TSC2: variants seen among roughly 807,000 people sequenced by gnomAD.
The protein encoded by TSC2 is tuberin.
A neutral mutation model predicts 202.2 loss-of-function variants in TSC2; 29 were observed. The observed-to-expected ratio is 0.14, with a 90% confidence interval of 0.11 to 0.20. TSC2 has a LOEUF of 0.20. TSC2 is among the 10% of genes least tolerant of loss of function. The probability of loss-of-function intolerance (pLI) is 1.00; values close to 1 mark genes in which losing one functional copy is unlikely to be tolerated. For missense variants in TSC2, 2,429 were observed against 2,420.0 expected (o/e 1.00, Z -0.08); for synonymous variants, 1,349 against 1,044.0 (o/e 1.29, Z -5.63).
intron 10 of TSC2, among the ~76,000 whole-genome samples, chr16:2,059,821 G>A (rs962250388): frequency 1.3e-5 from 2 of 152,008 alleles, no homozygotes; most frequent in South Asian, 4.1e-4. Flanking sequence ...GCCCGGCCAA[G>A]GCTAATGTTT....
In TSC2 at chr16:2,062,084, T is replaced by G. The variant is rs561093208; in HGVS notation, c.1257+76T>G. The G allele has an allele frequency of 1.3e-4, 207 of 1,599,336 alleles. 1 individual carries two copies. In the African/African-American group the frequency reaches 2.5e-3, roughly 20 times the overall value. On this transcript the variant is annotated intron_variant, in intron 12 of 41. Coordinates refer to ENST00000219476, the MANE Select transcript of TSC2 (RefSeq NM_000548.5). Reference sequence around the variant, plus strand: ...GCCGGGTGCTGGGTGAAGTGCAGCTTTCTGAGCCTCAGAAGCCAAGGGCCA... The same window carrying G: ...GCCGGGTGCTGGGTGAAGTGCAGCTGTCTGAGCCTCAGAAGCCAAGGGCCA...
intron 6 of TSC2, chr16:2,055,722 C>G: frequency 7.3e-6 from 4 of 548,748 alleles, no homozygotes. Flanking sequence ...GAAACCCTGT[C>G]TCTACTAAAA....
Position 2,070,451 on chromosome 16 carries a change from T to A in TSC2, c.1717-5T>A, listed in dbSNP as rs2088113456. ...GCCGTGGTGAGCTGCGTCCTCTCTC[T>A]GCAGACCAAGCTGTACACCCTGCCT... is the stretch of plus-strand genomic sequence containing the variant. On this transcript the variant is annotated splice_polypyrimidine_tract_variant and splice_region_variant and intron_variant, in intron 16 of 41. Coordinates refer to ENST00000219476, the MANE Select transcript of TSC2 (RefSeq NM_000548.5). The A allele has an allele frequency of 6.2e-7, 1 of 1,613,396 alleles. No homozygotes were observed.
At chr16:2,070,958 G>A (rs2088246441) in intron 17 of TSC2, among the ~76,000 whole-genome samples, 1 of 151,360 alleles carries the variant, frequency 6.6e-6, no homozygotes, top group African/African-American at 2.4e-5. Context: ...TGAGACGGCA[G>A]GGCAGGGCTG....
intron 14 of TSC2, 133 bp from the exon 15 acceptor site, chr16:2,064,139 T>A: frequency 5.5e-6 from 8 of 1,441,704 alleles, no homozygotes; most frequent in Non-Finnish European, 7.8e-6. Context: ...GTGCTTGTGC[T>A]CTCTGCCCAG....
At chr16:2,075,951 C>T (rs1017879009) in intron 23 of TSC2, 59 bp downstream of exon 23, 1 of 1,611,880 alleles carries the variant, frequency 6.2e-7, no homozygotes, top group Non-Finnish European at 8.5e-7. Flanking sequence ...GGCCTTGCGG[C>T]AGAAAGCCCC....
chr16:2,071,571 A>G lies in TSC2; in HGVS notation c.1901A>G (p.Lys634Arg), dbSNP rs2088398498. Residue 634 changes from lysine (K) to arginine (R), a missense_variant, in exon 18 of 42, where the codon AAG (lysine) becomes AGG (arginine). Transcript: ENST00000219476. The part of the protein sequence containing the change: ...DSLHRLGLPN[K>R]DGVVRFSPYC... ...CTGCACCGCCTGGGCCTGCCCAACAAGGATGGAGTCGTGCGGTTCAGCCCC... is the reference window on the plus strand; with the variant it reads ...CTGCACCGCCTGGGCCTGCCCAACAGGGATGGAGTCGTGCGGTTCAGCCCC... 1 of 1,613,394 alleles carries G rather than the reference A, an allele frequency of 6.2e-7. No homozygotes were observed. The highest frequency in any genetic ancestry group is 1.3e-5 in the African/African-American group (1 of 74,918).
intron 9 of TSC2, among the ~76,000 whole-genome samples, chr16:2,058,219 T>C (rs1286112631): frequency 6.8e-6 from 1 of 146,420 alleles, no homozygotes; most frequent in Non-Finnish European, 1.5e-5. Flanking sequence ...CCCCACCCCC[T>C]GCATCTCTCC....
At chr16:2,057,323 C>T in intron 9 of TSC2, 145 bp downstream of exon 9, 2 of 923,900 alleles carry the variant, frequency 2.2e-6, no homozygotes, top group South Asian at 1.5e-5. Context: ...AGAGCGAGGC[C>T]CATGACTTCT....
chr16:2,086,488 TC>T, intron 37 of TSC2, 109 bp downstream of exon 37: 1 of 1,486,324 alleles, frequency 6.7e-7, no homozygotes. Flanking sequence ...CCCCACCTGC[TC>T]CAGCTCCCCA....
At position 2,084,623 on chromosome 16, in the gene TSC2, C is replaced by A. The variant is rs370735624; in HGVS notation, c.4401C>A (p.Ala1467=). The change falls in exon 34 of 42, where the codon GCC becomes GCA. Residue 1467 remains alanine, a synonymous_variant. Transcript: ENST00000219476. The part of the protein sequence containing the change: ...RPRGYTISDS[A]PSRRGKRVER... Reference sequence around the variant, plus strand: ...GAGGTTACACCATCTCCGACTCGGCCCCATCACGCAGGGGCAAGAGAGTAG... The same window carrying A: ...GAGGTTACACCATCTCCGACTCGGCACCATCACGCAGGGGCAAGAGAGTAG... 1 of 1,601,168 alleles carries A rather than the reference C, an allele frequency of 6.2e-7. No homozygotes were observed. Among genetic ancestry groups the A allele is most frequent in the Admixed American group, 1.7e-5 (1 of 60,012 alleles).
intron 6 of TSC2, chr16:2,055,890 CAAAA>C (rs373314420): frequency 2.1e-3 from 554 of 265,320 alleles, no homozygotes; most frequent in Middle Eastern, 3.5e-3. Context: ...AACTCCATCT[CAAAA>C]AAAAAAAAAA....
intron 26 of TSC2, 44 bp downstream of exon 26, chr16:2,077,770 C>A: frequency 6.2e-7 from 1 of 1,607,062 alleles, no homozygotes. Flanking sequence ...TGGAGCTTGG[C>A]CCCGTGAGCA....
At chr16:2,064,914 G>A (rs1462439486) in intron 15 of TSC2, 7 of 230,514 alleles carry the variant, frequency 3.0e-5, no homozygotes, top group Non-Finnish European at 5.2e-5. Context: ...AGGAGTTCAA[G>A]ACCAGCCTGG....
At position 2,048,080 on chromosome 16, in the gene TSC2, C is replaced by T; in HGVS notation, c.-30+15C>T. 7.0e-7 allele frequency: 1 copy of T among 1,428,138 alleles called. No homozygotes were observed. Among genetic ancestry groups the T allele is most frequent in the South Asian group, 1.5e-5 (1 of 67,666 alleles). 88.5% of individuals were successfully genotyped at this position (1,428,138 alleles called of 1,614,324 possible). On this transcript the variant is annotated intron_variant, in intron 1 of 41. Transcript: ENST00000219476. The stretch of plus-strand genomic sequence containing the variant: ...CGCGGCGCGGGGTAAGTGGCGGTCC[C>T]CACGGGGCAAGTGGCGGTCCCCACG...
chr16:2,083,841 C>T, intron 33 of TSC2, 25 bp downstream of exon 33: 1 of 1,604,018 alleles, frequency 6.2e-7, no homozygotes, highest in Non-Finnish European at 8.5e-7. Context: ...GAGCCTGGAC[C>T]CTGCTGACCT....
chr16:2,065,983 C>A (rs1445077944), intron 16 of TSC2, among the ~76,000 whole-genome samples: 1 of 152,182 alleles, frequency 6.6e-6, no homozygotes, highest in Non-Finnish European at 1.5e-5. Flanking sequence ...TTAATATTTG[C>A]AGCTGTTTTG....
intron 11 of TSC2, 145 bp downstream of exon 11, chr16:2,060,958 C>T (rs1325351811): frequency 9.6e-7 from 1 of 1,037,878 alleles, no homozygotes; most frequent in Admixed American, 2.2e-5. Context: ...CGCAGTGGCG[C>T]TCATCCACCT....
rs567621501 is a variant in TSC2 at position 2,084,186 on chromosome 16, G to A, written c.4006-42G>A. On this transcript the variant is annotated intron_variant, in intron 33 of 41. Coordinates refer to ENST00000219476, the MANE Select transcript of TSC2 (RefSeq NM_000548.5). ...AGGTCAACCCCAGGTGGGCTCGAGG[G>A]TGCCTGCTGACAGGGGTTCTCTTTG... 3.0e-5 allele frequency: 47 copies of A among 1,552,592 alleles called. No individual in the cohort carries two copies. The South Asian group carries it at 3.3e-4, about 11-fold the overall frequency.
Sources: allele counts gnomAD v4.1 joint callset (sites outside exome capture counted in the v4.1 genomes callset), GRCh38; gene constraint gnomAD v4.1.1; transcripts MANE v1.5; gene names NCBI Gene and HGNC (gene_info 2026-07-23, HGNC 2026-07-21).